Variants in CEACAM7 observed in about 807,000 individuals in gnomAD.
CEACAM7 encodes the protein CEA cell adhesion molecule 7.
Under a neutral mutation model 25.7 loss-of-function variants are expected in CEACAM7, and 24 were observed. That is an observed-to-expected ratio of 0.93 (90% confidence interval 0.68 to 1.31). CEACAM7 has a LOEUF of 1.31. Among genes scored for constraint, CEACAM7 ranks in the 40% most tolerant of loss-of-function variants. The probability of loss-of-function intolerance (pLI) is 0.00; values close to 1 mark genes in which losing one functional copy is unlikely to be tolerated. For missense variants in CEACAM7, 324 were observed against 330.1 expected, an observed-to-expected ratio of 0.98 and a Z score of 0.14; for synonymous variants, 144 against 129.4, an observed-to-expected ratio of 1.11 and a Z score of -0.77.
In CEACAM7 at chr19:41,687,365, A is replaced by G. The variant is rs529694829; in HGVS notation, c.65-144T>C. On this transcript the variant is annotated intron_variant, in intron 1 of 4. Coordinates refer to ENST00000401731, the MANE Select transcript of CEACAM7 (RefSeq NM_001291485.2). ...TGTGTGTGTGTGTCCTACTGGATCA[A>G]TGTCAGCAGCATGTCCCCTATCAGC... The G allele has an allele frequency of 6.3e-4, 505 of 805,346 alleles. 3 individuals are homozygous for G. In the African/African-American group the frequency reaches 8.2e-3, roughly 13 times the overall value. The allele number at this position is 805,346 out of a possible 1,614,324, so 49.9% of individuals were successfully genotyped here. A position where few individuals can be genotyped will look rare whatever the true frequency, so the allele number is the denominator to read the frequency against.
intron 3 of CEACAM7, among the ~76,000 whole-genome samples, chr19:41,681,354 G>A (rs1568687095): frequency 6.6e-6 from 1 of 152,148 alleles, no homozygotes; most frequent in Non-Finnish European, 1.5e-5. Context: ...CAGCCACAGT[G>A]GAAAATGGTA....
At chr19:41,682,180 C>A (rs1163098464) in intron 3 of CEACAM7, among the ~76,000 whole-genome samples, 1 of 152,158 alleles carries the variant, frequency 6.6e-6, no homozygotes. Context: ...CTCAAGCGAG[C>A]CACCCATCTC....
At chr19:41,680,661 G>A (rs2072165523) in intron 3 of CEACAM7, among the ~76,000 whole-genome samples, 1 of 152,150 alleles carries the variant, frequency 6.6e-6, no homozygotes, top group Non-Finnish European at 1.5e-5. Context: ...ATAGGGAAAG[G>A]ATGGTCTTTT....
At chr19:41,683,635 G>C in intron 3 of CEACAM7, 150 bp downstream of exon 3, 1 of 1,357,192 alleles carries the variant, frequency 7.4e-7, no homozygotes, top group Non-Finnish European at 1.0e-6. Context: ...GGTCTGCCCA[G>C]GTTTGCTTGT....
chr19:41,686,131 C>T (rs187544931), intron 2 of CEACAM7, among the ~76,000 whole-genome samples: 297 of 152,250 alleles, frequency 2.0e-3, no homozygotes, highest in Middle Eastern at 6.8e-3. Flanking sequence ...GTTATTTGGA[C>T]CTGATTCCTG....
chr19:41,683,375 G>A (rs1555810857), intron 3 of CEACAM7, among the ~76,000 whole-genome samples: 1 of 152,182 alleles, frequency 6.6e-6, no homozygotes, highest in East Asian at 1.9e-4. Context: ...TGGGGTAGAA[G>A]GGGTGTCCAA....
In CEACAM7 at chr19:41,677,553, G is replaced by T. The variant is rs781833656; in HGVS notation, c.707-50C>A. On this transcript the variant is annotated intron_variant, in intron 3 of 4. Coordinates refer to ENST00000401731, the MANE Select transcript of CEACAM7 (RefSeq NM_001291485.2). ...AATGAAGTTGATCTTATTTTACAGGGAAGTCCCCCAGGAACCAACTCTCAG... is the reference window on the plus strand; with the variant it reads ...AATGAAGTTGATCTTATTTTACAGGTAAGTCCCCCAGGAACCAACTCTCAG... The T allele has an allele frequency of 7.1e-6, 10 of 1,414,474 alleles. No individual in the cohort carries two copies. In the East Asian group the frequency reaches 1.8e-4, roughly 26 times the overall value. 87.6% of individuals were successfully genotyped at this position (1,414,474 alleles called of 1,614,324 possible).
intron 3 of CEACAM7, among the ~76,000 whole-genome samples, chr19:41,683,178 C>T (rs976825266): frequency 1.3e-5 from 2 of 152,182 alleles, no homozygotes; most frequent in African/African-American, 4.8e-5. Flanking sequence ...GGTACTATTG[C>T]GGTCAGTGGC....
rs782256752 is a variant in CEACAM7, at chr19:41,686,966, G to A, written c.320C>T (p.Thr107Ile). Residue 107 changes from threonine to isoleucine, a missense_variant, in exon 2 of 5, where the codon ACC becomes ATC. Thr to Ile is a moderately conservative substitution (Grantham distance 89). Coordinates refer to ENST00000401731, the MANE Select transcript of CEACAM7 (RefSeq NM_001291485.2). Reference sequence around the variant, plus strand: ...GTGGGTGACGTTCTGGATCAGCAGGGTTCCATTGGGGTATATTGTCTCTCG... The same window carrying A: ...GTGGGTGACGTTCTGGATCAGCAGGATTCCATTGGGGTATATTGTCTCTCG... The part of the protein sequence containing the change: ...NGRETIYPNG[T>I]LLIQNVTHND... 7.4e-6 allele frequency: 12 copies of A among 1,611,202 alleles called. No homozygotes were observed. In the Admixed American group the frequency reaches 2.0e-4, roughly 27 times the overall value.
intron 2 of CEACAM7, among the ~76,000 whole-genome samples, chr19:41,684,732 T>G (rs1170768007): frequency 1.3e-5 from 2 of 152,038 alleles, no homozygotes; most frequent in East Asian, 3.8e-4. Context: ...AATCTGAGGA[T>G]TCTCAATGAC....
chr19:41,680,718 T>C (rs916984856), intron 3 of CEACAM7, among the ~76,000 whole-genome samples: 1 of 152,142 alleles, frequency 6.6e-6, no homozygotes, highest in Non-Finnish European at 1.5e-5. Context: ...GAAGGATGAG[T>C]TGAATCTTTA....
intron 1 of CEACAM7, 116 bp from the exon 2 acceptor site, chr19:41,687,337 G>C: frequency 1.1e-6 from 1 of 943,074 alleles, no homozygotes; most frequent in Non-Finnish European, 1.6e-6. Flanking sequence ...GTAAGTGTGT[G>C]TGTGTGTGTG....
At position 41,677,418 on chromosome 19, in the gene CEACAM7, C is replaced by A. The variant is rs782346840; in HGVS notation, c.792G>T (p.Leu264=). The change falls in exon 4 of 5, where the codon CTG becomes CTT. Residue 264 remains leucine (L), a synonymous_variant. Coordinates refer to ENST00000401731, the MANE Select transcript of CEACAM7 (RefSeq NM_001291485.2). ...IMIGVLAGMA[L]I ...AGAAACTACACCAAGGCTGCTATATCAGAGCCATCCCAGCCAGTACTCCAA... is the reference window on the plus strand; with the variant it reads ...AGAAACTACACCAAGGCTGCTATATAAGAGCCATCCCAGCCAGTACTCCAA... 6.2e-7 allele frequency: 1 copy of A among 1,612,564 alleles called. No homozygotes were observed. Among genetic ancestry groups the A allele is most frequent in the Non-Finnish European group, 8.5e-7 (1 of 1,178,712 alleles).
At position 41,679,951 on chromosome 19, in the gene CEACAM7, G is replaced by C. The variant is rs1487612556; in HGVS notation, c.707-2448C>G. On this transcript the variant is annotated intron_variant, in intron 3 of 4. Transcript: ENST00000401731. ...CAAGTAGTTGAAATTACAGGCGTGT[G>C]CCACCACACCTGGCTAATTTTTTTT... 6.4e-5 allele frequency among the ~76,000 whole-genome samples: 9 copies of C among 139,616 alleles called. No individual in the cohort carries two copies. The East Asian group carries it at 1.9e-3, about 29-fold the overall frequency. The allele number at this position is 139,616 out of a possible 152,430, so 91.6% of individuals were successfully genotyped here.
At chr19:41,677,642 G>T in intron 3 of CEACAM7, 139 bp from the exon 4 acceptor site, 1 of 580,424 alleles carries the variant, frequency 1.7e-6, no homozygotes, top group Non-Finnish European at 3.1e-6. Context: ...GTTGCTGGGA[G>T]ATGATTATCC....
At chr19:41,681,048 A>G (rs995183593) in intron 3 of CEACAM7, among the ~76,000 whole-genome samples, 2 of 152,246 alleles carry the variant, frequency 1.3e-5, no homozygotes, top group African/African-American at 4.8e-5. Context: ...CTCAGAATAT[A>G]TAAAGAACTA....
intron 4 of CEACAM7, among the ~76,000 whole-genome samples, chr19:41,676,120 C>T (rs370684150): frequency 4.6e-5 from 7 of 152,200 alleles, no homozygotes; most frequent in African/African-American, 1.4e-4. Context: ...AAGCCCAAGT[C>T]CTGCTTATCA....
chr19:41,681,156 G>A (rs1479563491), intron 3 of CEACAM7, among the ~76,000 whole-genome samples: 2 of 152,132 alleles, frequency 1.3e-5, no homozygotes, highest in Non-Finnish European at 2.9e-5. Flanking sequence ...TGGCCAATAA[G>A]CACATGCAAA....
chr19:41,678,535 C>T lies in CEACAM7; in HGVS notation c.707-1032G>A, dbSNP rs2072140089. The stretch of plus-strand genomic sequence containing the variant: ...TATTAGCTACTGTTGAGGGGTGCTT[C>T]CTATGTGTCAGGCCCTGTGTTAAAT... On this transcript the variant is annotated intron_variant, in intron 3 of 4. Transcript: ENST00000401731. 2.0e-5 allele frequency among the ~76,000 whole-genome samples: 3 copies of T among 152,060 alleles called. No individual in the cohort carries two copies. In the South Asian group the frequency reaches 6.2e-4, roughly 32 times the overall value.
Sources: allele counts gnomAD v4.1 joint callset (sites outside exome capture counted in the v4.1 genomes callset), GRCh38; gene constraint gnomAD v4.1.1; transcripts MANE v1.5; gene names NCBI Gene and HGNC (gene_info 2026-07-23, HGNC 2026-07-21).